The following CASP6 variants were observed in gnomAD, a reference collection of about 807,000 sequenced individuals.
CASP6 encodes the protein caspase-6.
A neutral mutation model predicts 31.8 loss-of-function variants in CASP6; 20 were observed. The observed-to-expected ratio is 0.63, with a 90% CI of 0.44 to 0.91. The LOEUF is 0.91. Among genes scored for constraint, CASP6 ranks in the 40% least tolerant of loss-of-function variants. CASP6 has a pLI of 0.00. For synonymous variants in CASP6, 130 were observed against 127.8 expected (o/e 1.02, Z -0.12); for missense variants, 328 against 361.1 (o/e 0.91, Z 0.74).
the CASP6 span, among the ~76,000 whole-genome samples, chr4:109,668,454 T>G: frequency 6.6e-6 from 1 of 152,108 alleles, no homozygotes; most frequent in African/African-American, 2.4e-5. Context: ...ATATAGCTAT[T>G]TCAGCTTTCT....
chr4:109,677,252 C>G, the CASP6 span, among the ~76,000 whole-genome samples: 1 of 152,184 alleles, frequency 6.6e-6, no homozygotes, highest in African/African-American at 2.4e-5. Flanking sequence ...CCATACCTAT[C>G]CAGCCATTGT....
At position 109,690,247 on chromosome 4, in the gene CASP6, A is replaced by AAAAAAC. The variant is rs61007363; in HGVS notation, c.643+602_643+603insGTTTTT. Among the ~76,000 whole-genome samples, 246 of 143,398 alleles carry AAAAAAC rather than the reference A, an allele frequency of 1.7e-3. 5 individuals are homozygous for AAAAAAC. Among genetic ancestry groups the AAAAAAC allele is most frequent in the East Asian group, 6.9e-3 (34 of 4,932 alleles). The allele number at this position is 143,398 out of a possible 152,430, so 94.1% of individuals were successfully genotyped here. On this transcript the variant is annotated intron_variant, in intron 6 of 6. Transcript: ENST00000265164. ...ACAGAGTGAGACTATAAAAAAAAAA[A>AAAAAAC]ACGCACGCACGCACGCAATGGCTCA...
downstream of CASP6, chr4:109,684,497 G>A (rs1195783961): frequency 1.2e-6 from 2 of 1,614,000 alleles, no homozygotes; most frequent in East Asian, 4.5e-5. Flanking sequence ...ACTCCTGTGG[G>A]CTGGATTGGC....
At chr4:109,696,002 T>G (rs1222180537) in intron 4 of CASP6, among the ~76,000 whole-genome samples, 1 of 152,168 alleles carries the variant, frequency 6.6e-6, no homozygotes, top group Non-Finnish European at 1.5e-5. Context: ...CTATTGACGC[T>G]GTGAGAATTA....
intron 5 of CASP6, among the ~76,000 whole-genome samples, chr4:109,693,114 T>C (rs1020258335): frequency 3.9e-5 from 6 of 152,138 alleles, no homozygotes; most frequent in Non-Finnish European, 7.4e-5. Context: ...CTTGGCACTC[T>C]CTTGCTCCCA....
chr4:109,666,819 T>A, the CASP6 span, among the ~76,000 whole-genome samples: 1 of 152,218 alleles, frequency 6.6e-6, no homozygotes, highest in Non-Finnish European at 1.5e-5. Flanking sequence ...TTCAATTTTG[T>A]CAAATCTTTT....
chr4:109,703,022 TTTTAAGG>T (rs1329107791), intron 1 of CASP6, among the ~76,000 whole-genome samples: 2 of 152,128 alleles, frequency 1.3e-5, no homozygotes, highest in African/African-American at 4.8e-5. Flanking sequence ...GGGGACAGCC[TTTTAAGG>T]TTTAAACAGC....
At chr4:109,705,079 G>A (rs1346803359), upstream of CASP6, among the ~76,000 whole-genome samples, 1 of 152,190 alleles carries the variant, frequency 6.6e-6, no homozygotes, top group Middle Eastern at 3.2e-3. Context: ...TTCATAGCTA[G>A]AGAGAAGTCA....
At chr4:109,666,323 A>C in the CASP6 span, among the ~76,000 whole-genome samples, 1 of 152,226 alleles carries the variant, frequency 6.6e-6, no homozygotes, top group Non-Finnish European at 1.5e-5. Flanking sequence ...ACCCAGGAAC[A>C]TGATTGCTGG....
At chr4:109,676,854 AGAG>A in the CASP6 span, among the ~76,000 whole-genome samples, 2 of 152,280 alleles carry the variant, frequency 1.3e-5, no homozygotes, top group African/African-American at 2.4e-5. Context: ...CAGTAAAATG[AGAG>A]GAGAATAGAT....
the CASP6 span, among the ~76,000 whole-genome samples, chr4:109,674,728 A>C: frequency 1.0e-4 from 16 of 152,392 alleles, no homozygotes; most frequent in South Asian, 3.3e-3. Context: ...TAAGGATTCT[A>C]GTTTAGTTTT....
chr4:109,703,472 G>GGCCCTTCCTCGGCGGCCCCGCCCCCT (rs1730500155), upstream of CASP6: 6 of 1,548,282 alleles, frequency 3.9e-6, no homozygotes, highest in Non-Finnish European at 4.4e-6. Context: ...CCCCGCCCTC[G>GGCCCTTCCTCGGCGGCCCCGCCCCCT]GCCCTTCCTC....
At chr4:109,665,003 T>C in the CASP6 span, among the ~76,000 whole-genome samples, 2 of 152,272 alleles carry the variant, frequency 1.3e-5, no homozygotes, top group East Asian at 1.9e-4. Context: ...TCGAGCAGAA[T>C]GTAGAGAGAG....
the CASP6 span, among the ~76,000 whole-genome samples, chr4:109,708,739 G>A: frequency 1.4e-4 from 22 of 152,152 alleles, no homozygotes; most frequent in Admixed American, 9.2e-4. Flanking sequence ...TATAGTCTAT[G>A]TGGTTAAGTA....
chr4:109,697,837 G>A (rs1730297637), intron 2 of CASP6, 69 bp from the exon 3 acceptor site: 1 of 1,536,950 alleles, frequency 6.5e-7, no homozygotes, highest in African/African-American at 1.4e-5. Flanking sequence ...CAAGTTCTAG[G>A]TCAACATGTA....
chr4:109,691,149 A>G lies in CASP6; in HGVS notation c.484-140T>C, dbSNP rs979700858. On this transcript the variant is annotated intron_variant, in intron 5 of 6. Coordinates refer to ENST00000265164, the MANE Select transcript of CASP6 (RefSeq NM_001226.4). Reference sequence around the variant, plus strand: ...TGAGCAGTTCAGAAGCAATACATTCAGGTTTGGAGGGCACAAAAGCCAACA... The same window carrying G: ...TGAGCAGTTCAGAAGCAATACATTCGGGTTTGGAGGGCACAAAAGCCAACA... 16 of 815,254 alleles carry G rather than the reference A, an allele frequency of 2.0e-5. No homozygotes were observed. The African/African-American group carries it at 2.9e-4, about 15-fold the overall frequency. The allele number at this position is 815,254 out of a possible 1,614,324, so 50.5% of individuals were successfully genotyped here.
chr4:109,698,708 A>AAC (rs148827787), intron 1 of CASP6, among the ~76,000 whole-genome samples: 4,633 of 152,330 alleles, frequency 0.03, 224 homozygotes, highest in African/African-American at 0.11. Flanking sequence ...CATTTTCTGA[A>AAC]AAAGAATTAA....
chr4:109,688,138 G>GAAAC (rs1204526378), downstream of CASP6: 2 of 152,308 alleles, frequency 1.3e-5, no homozygotes, highest in Non-Finnish European at 2.9e-5. Flanking sequence ...AACTTCAACT[G>GAAAC]AAACAGTGTA....
At chr4:109,698,118 G>A (rs566693707) in intron 2 of CASP6, among the ~76,000 whole-genome samples, 182 bp downstream of exon 2, 2 of 152,172 alleles carry the variant, frequency 1.3e-5, no homozygotes, top group African/African-American at 2.4e-5. Context: ...ACATCACTCC[G>A]GGTCCCTCGA....
Sources: allele counts gnomAD v4.1 joint callset (sites outside exome capture counted in the v4.1 genomes callset), GRCh38; gene constraint gnomAD v4.1.1; transcripts MANE v1.5; gene names NCBI Gene and HGNC (gene_info 2026-07-23, HGNC 2026-07-21).